ABCC6: variants seen among roughly 807,000 people sequenced by gnomAD.
ABCC6 encodes the protein ATP binding cassette subfamily C member 6.
ABCC6 carries 126 observed loss-of-function variants against 169.5 expected under a neutral mutation model. That is an observed-to-expected ratio of 0.74 (90% CI 0.64 to 0.86). The LOEUF (loss-of-function observed/expected upper bound fraction) is 0.86. ABCC6 is among the 40% of genes least tolerant of loss of function. The probability of loss-of-function intolerance (pLI) is 0.00; values close to 1 mark genes in which losing one functional copy is unlikely to be tolerated. For synonymous variants in ABCC6, 752 were observed against 814.7 expected (o/e 0.92, Z 1.31); for missense variants, 1,733 against 1,927.2 (o/e 0.90, Z 1.89).
At chr16:16,190,497 G>T in intron 11 of ABCC6, 130 bp from the exon 12 acceptor site, 1 of 974,412 alleles carries the variant, frequency 1.0e-6, no homozygotes, top group Non-Finnish European at 1.6e-6. Context: ...CTGCCTCTCA[G>T]CACCTCTGAC....
chr16:16,150,366 T>C, intron 30 of ABCC6, 125 bp from the exon 31 acceptor site: 1 of 1,542,264 alleles, frequency 6.5e-7, no homozygotes, highest in Non-Finnish European at 8.8e-7. Context: ...TGCGGCTCCC[T>C]GGCCCTCACA....
chr16:16,203,842 T>C (rs1003507880), intron 7 of ABCC6, among the ~76,000 whole-genome samples: 3 of 152,068 alleles, frequency 2.0e-5, no homozygotes, highest in Non-Finnish European at 4.4e-5. Context: ...TAGATGGCCA[T>C]GGGAAAGCAC....
In ABCC6 at chr16:16,163,051, T is replaced by G; in HGVS notation, c.3448A>C (p.Asn1150His). The G allele has an allele frequency of 6.2e-7, 1 of 1,614,042 alleles. No individual in the cohort carries two copies. The highest frequency in any genetic ancestry group is 8.5e-7 in the Non-Finnish European group (1 of 1,180,028). The change falls in exon 24 of 31, where the codon AAC (asparagine) becomes CAC (histidine). Residue 1150 changes from asparagine (N) to histidine (H), a missense_variant. Physicochemically the swap from Asn to His is moderately conservative, Grantham distance 68. Transcript: ENST00000205557. ...FRTQAPFVAQ[N>H]NARVDESQRI... ...TGGCTTTCATCTACGCGAGCATTGTTCTGAGCCACAAAGGGGGCCTGGGTT... is the reference window on the plus strand; with the variant it reads ...TGGCTTTCATCTACGCGAGCATTGTGCTGAGCCACAAAGGGGGCCTGGGTT...
chr16:16,208,928 T>A (rs2152289522), intron 6 of ABCC6, 69 bp from the exon 7 acceptor site: 2 of 1,612,664 alleles, frequency 1.2e-6, no homozygotes, highest in East Asian at 2.2e-5. Context: ...GCCAGGCGAG[T>A]AGCTGTGTGA....
chr16:16,153,079 A>G (rs1284208008), intron 29 of ABCC6, among the ~76,000 whole-genome samples: 1 of 151,904 alleles, frequency 6.6e-6, no homozygotes, highest in African/African-American at 2.4e-5. Flanking sequence ...TAATTTTTGT[A>G]TTTTTAGTAG....
At chr16:16,150,293 C>G in intron 30 of ABCC6, 52 bp from the exon 31 acceptor site, 2 of 1,611,292 alleles carry the variant, frequency 1.2e-6, no homozygotes, top group Non-Finnish European at 1.7e-6. Flanking sequence ...CCCAGGCTCT[C>G]GGCAGCTGTG....
rs1170600122 is a variant in ABCC6 at position 16,151,070 on chromosome 16, TC to T, written c.4209-299del. ...TGGCTCTTTTTTTCTTCTTCGTTTT[TC>T]TTTTTTTTTTTGAGACGGAGTCTTG... On this transcript the variant is annotated intron_variant, in intron 29 of 30. Transcript: ENST00000205557. Among the ~76,000 whole-genome samples, 16 of 152,230 alleles carry T rather than the reference TC, an allele frequency of 1.1e-4. No individual in the cohort carries two copies. In the East Asian group the frequency reaches 1.5e-3, roughly 15 times the overall value.
intron 13 of ABCC6, among the ~76,000 whole-genome samples, chr16:16,187,846 G>C (rs2152267158): frequency 6.6e-6 from 1 of 152,196 alleles, no homozygotes; most frequent in South Asian, 2.1e-4. Context: ...GCAGTGAGCT[G>C]AGATCGTGCC....
rs761828439 is a variant in ABCC6, at chr16:16,190,148, A to G, written c.1635+16T>C. The stretch of plus-strand genomic sequence containing the variant: ...TTCCCCAGTGCTGCTCAGCATAGAG[A>G]CTAGAGTGACGTCACCAGAAATGTA... On this transcript the variant is annotated intron_variant, in intron 12 of 30. Transcript: ENST00000205557. The G allele has an allele frequency of 1.2e-6, 2 of 1,612,584 alleles. No homozygotes were observed. Among genetic ancestry groups the G allele is most frequent in the Non-Finnish European group, 1.7e-6 (2 of 1,179,776 alleles).
chr16:16,206,235 G>A (rs1362834891), intron 7 of ABCC6, among the ~76,000 whole-genome samples: 1 of 152,188 alleles, frequency 6.6e-6, no homozygotes, highest in Non-Finnish European at 1.5e-5. Flanking sequence ...TCTCTGGACT[G>A]AAGGCCATTT....
intron 12 of ABCC6, among the ~76,000 whole-genome samples, chr16:16,189,482 A>T (rs1455658047): frequency 2.0e-5 from 3 of 149,024 alleles, no homozygotes; most frequent in Non-Finnish European, 3.0e-5. Context: ...CAGTGGCATG[A>T]TCTCGGCTCA....
intron 15 of ABCC6, among the ~76,000 whole-genome samples, chr16:16,183,583 T>C (rs1462928000): frequency 6.6e-6 from 1 of 152,328 alleles, no homozygotes; most frequent in Middle Eastern, 3.4e-3. Flanking sequence ...GCTCTGTGCC[T>C]CAGCTGCTCG....
At chr16:16,201,008 C>T (rs2048219451) in intron 9 of ABCC6, among the ~76,000 whole-genome samples, 1 of 152,058 alleles carries the variant, frequency 6.6e-6, no homozygotes, top group South Asian at 2.1e-4. Flanking sequence ...GCTCTCTTAC[C>T]CAGGCTGCGC....
chr16:16,159,162 G>T (rs951547301), intron 26 of ABCC6, among the ~76,000 whole-genome samples: 1 of 152,084 alleles, frequency 6.6e-6, no homozygotes, highest in African/African-American at 2.4e-5. Context: ...CCATTGTGTT[G>T]CTGTTGCCAT....
intron 26 of ABCC6, among the ~76,000 whole-genome samples, chr16:16,158,642 A>G (rs1365429194): frequency 6.6e-6 from 1 of 152,136 alleles, no homozygotes; most frequent in African/African-American, 2.4e-5. Flanking sequence ...TTGCGTTGCT[A>G]TGTTGCTGTT....
At chr16:16,208,179 GAACC>G (rs1041871228) in intron 7 of ABCC6, among the ~76,000 whole-genome samples, 3 of 151,956 alleles carry the variant, frequency 2.0e-5, no homozygotes, top group Admixed American at 6.6e-5. Context: ...CCATTTGTAG[GAACC>G]TGTTTGTTCC....
intron 7 of ABCC6, among the ~76,000 whole-genome samples, chr16:16,203,889 A>G (rs2048318890): frequency 6.6e-6 from 1 of 152,046 alleles, no homozygotes; most frequent in African/African-American, 2.4e-5. Context: ...GGCACTCCCC[A>G]GTCATCCTAA....
At chr16:16,161,326 C>T in intron 25 of ABCC6, 112 bp downstream of exon 25, 2 of 1,523,292 alleles carry the variant, frequency 1.3e-6, no homozygotes, top group Non-Finnish European at 1.8e-6. Flanking sequence ...TGGAGGGACT[C>T]CACACACCAT....
rs1367023664 is a variant in ABCC6, at chr16:16,196,430, A to T, written c.1338+1591T>A. On this transcript the variant is annotated intron_variant, in intron 10 of 30. Transcript: ENST00000205557. ...AAAAGCATCTACTGTCTTATCCTTT[A>T]TGGAAAAGTAACTAATGATAATATT... Among the ~76,000 whole-genome samples the T allele has an allele frequency of 1.6e-4, 25 of 152,198 alleles. 1 individual carries two copies. Among genetic ancestry groups the T allele is most frequent in the Non-Finnish European group, 2.9e-5 (2 of 68,048 alleles).
Sources: gnomAD v4.1 joint callset for allele counts (sites outside exome capture counted in the v4.1 genomes callset) on GRCh38, gnomAD v4.1.1 for gene constraint, MANE v1.5 for transcripts, NCBI Gene and HGNC (gene_info 2026-07-23, HGNC 2026-07-21) for gene names.